Variants in KLHL32 observed in about 807,000 individuals in gnomAD.
The protein encoded by KLHL32 is kelch like family member 32.
In KLHL32, 35 loss-of-function variants were observed where a neutral mutation model predicts 64.8. That is an observed-to-expected ratio of 0.54 (90% confidence interval 0.41 to 0.72). KLHL32 has a LOEUF of 0.72. Ranked by LOEUF, KLHL32 falls within the 30% of genes least tolerant of loss-of-function variation. The pLI, the probability that KLHL32 is intolerant of heterozygous loss-of-function variation, is 0.00. For missense variants in KLHL32, 589 were observed against 768.5 expected (o/e 0.77, Z 2.76); for synonymous variants, 259 against 281.0 (o/e 0.92, Z 0.78).
chr6:97,049,469 G>A (rs1269671479), intron 4 of KLHL32, among the ~76,000 whole-genome samples: 1 of 150,876 alleles, frequency 6.6e-6, no homozygotes, highest in Non-Finnish European at 1.5e-5. Context: ...ACTCAGAATG[G>A]TGCATAATTT....
intron 3 of KLHL32, among the ~76,000 whole-genome samples, chr6:97,038,381 A>C (rs555126856): frequency 2.0e-5 from 3 of 152,300 alleles, no homozygotes; most frequent in African/African-American, 7.2e-5. Flanking sequence ...TTAAAAGAAG[A>C]TATACAGATG....
the KLHL32 span, among the ~76,000 whole-genome samples, chr6:96,906,813 A>G: frequency 0.011 from 1,739 of 152,240 alleles, 27 homozygotes; most frequent in African/African-American, 0.04. Flanking sequence ...AGAGCTTTTG[A>G]TTCCATAGAA....
intron 6 of KLHL32, among the ~76,000 whole-genome samples, chr6:97,110,925 G>A (rs1347347516): frequency 6.6e-6 from 1 of 151,994 alleles, no homozygotes; most frequent in African/African-American, 2.4e-5. Flanking sequence ...ATTCTACTTA[G>A]TAACATTTCT....
intron 1 of KLHL32, among the ~76,000 whole-genome samples, chr6:96,937,049 C>T (rs1366847801): frequency 6.6e-6 from 1 of 151,140 alleles, no homozygotes; most frequent in African/African-American, 2.4e-5. Flanking sequence ...CAGCTCTTAT[C>T]GATTAAAAAA....
chr6:96,914,027 C>G, the KLHL32 span, among the ~76,000 whole-genome samples: 2 of 151,952 alleles, frequency 1.3e-5, no homozygotes, highest in African/African-American at 2.4e-5. Context: ...AAGAGAGAGG[C>G]GAAAAGGGAG....
intron 3 of KLHL32, among the ~76,000 whole-genome samples, chr6:97,016,269 A>G (rs919815503): frequency 3.3e-5 from 5 of 152,220 alleles, no homozygotes; most frequent in African/African-American, 7.2e-5. Flanking sequence ...AAGACATTCA[A>G]TGCAAGCCCA....
At chr6:96,997,842 AAACC>A (rs1226710606) in intron 3 of KLHL32, among the ~76,000 whole-genome samples, 1 of 152,202 alleles carries the variant, frequency 6.6e-6, no homozygotes, top group African/African-American at 2.4e-5. Flanking sequence ...AAAAACGTAC[AAACC>A]AACCAACCAA....
At chr6:97,068,747 G>T (rs1390286422) in intron 5 of KLHL32, among the ~76,000 whole-genome samples, 3 of 152,126 alleles carry the variant, frequency 2.0e-5, no homozygotes, top group Admixed American at 2.0e-4. Flanking sequence ...TAATTGCAGG[G>T]TTCATCTCCC....
chr6:97,017,800 A>C (rs1781433538), intron 3 of KLHL32, among the ~76,000 whole-genome samples: 1 of 152,146 alleles, frequency 6.6e-6, no homozygotes, highest in African/African-American at 2.4e-5. Context: ...ATGGTTATGA[A>C]ACAGAGGTAC....
intron 3 of KLHL32, among the ~76,000 whole-genome samples, chr6:96,990,767 G>A (rs1314813700): frequency 6.6e-6 from 1 of 151,874 alleles, no homozygotes; most frequent in Non-Finnish European, 1.5e-5. Flanking sequence ...GTGGGGGCGG[G>A]GCTTGCTTGG....
intron 6 of KLHL32, among the ~76,000 whole-genome samples, chr6:97,087,105 C>G (rs11343459): frequency 0.03 from 4,585 of 152,244 alleles, 79 homozygotes; most frequent in East Asian, 0.069. Context: ...AAGCTGCTTT[C>G]TGCTGCAGGC....
intron 1 of KLHL32, among the ~76,000 whole-genome samples, chr6:96,937,088 T>C (rs930722043): frequency 3.9e-5 from 6 of 152,110 alleles, no homozygotes; most frequent in Admixed American, 2.0e-4. Flanking sequence ...AAAACTTACA[T>C]ATCATTAAAG....
intron 4 of KLHL32, 96 bp from the exon 5 acceptor site, chr6:97,064,532 C>A: frequency 1.2e-6 from 1 of 801,744 alleles, no homozygotes; most frequent in Non-Finnish European, 2.0e-6. Flanking sequence ...GTACGTAAAG[C>A]AGCAATTTAA....
At chr6:97,019,081 A>G (rs1466518075) in intron 3 of KLHL32, among the ~76,000 whole-genome samples, 1 of 152,216 alleles carries the variant, frequency 6.6e-6, no homozygotes, top group Non-Finnish European at 1.5e-5. Context: ...CTGTAACAAA[A>G]TTGATAATCT....
At chr6:97,121,084 T>A (rs1798314687) in intron 7 of KLHL32, among the ~76,000 whole-genome samples, 1 of 152,238 alleles carries the variant, frequency 6.6e-6, no homozygotes, top group Non-Finnish European at 1.5e-5. Flanking sequence ...CTAAACTGTC[T>A]TAACTGTATC....
At chr6:97,082,912 G>T (rs200214937) in intron 5 of KLHL32, among the ~76,000 whole-genome samples, 1 of 152,146 alleles carries the variant, frequency 6.6e-6, no homozygotes, top group East Asian at 1.9e-4. Context: ...GCTTCATTTT[G>T]ACCTCTTTGC....
chr6:96,914,900 G>C, the KLHL32 span: 1 of 152,058 alleles, frequency 6.6e-6, no homozygotes. Context: ...CCCAATCAGC[G>C]TAGCACACTA....
chr6:97,090,685 C>T (rs985696363), intron 6 of KLHL32, among the ~76,000 whole-genome samples: 2 of 152,232 alleles, frequency 1.3e-5, no homozygotes, highest in East Asian at 1.9e-4. Context: ...TATTAAAATA[C>T]TTCCAATTTG....
the KLHL32 span, among the ~76,000 whole-genome samples, chr6:96,899,247 G>A: frequency 6.6e-6 from 1 of 152,140 alleles, no homozygotes. Flanking sequence ...TTATCCTGAA[G>A]GTGGCAGGCT....
Sources: gnomAD v4.1 joint callset for allele counts (sites outside exome capture counted in the v4.1 genomes callset) on GRCh38, gnomAD v4.1.1 for gene constraint, MANE v1.5 for transcripts, NCBI Gene and HGNC (gene_info 2026-07-23, HGNC 2026-07-21) for gene names.